Variants in OSBP observed in about 807,000 individuals in gnomAD.
OSBP encodes the protein oxysterol-binding protein 1.
In OSBP, 32 loss-of-function variants were observed where a neutral mutation model predicts 96.6. That is an observed-to-expected ratio of 0.33 (90% confidence interval 0.25 to 0.45). OSBP has a LOEUF of 0.45. Ranked by LOEUF, OSBP falls within the 20% of genes least tolerant of loss-of-function variation. OSBP has a pLI of 1.00. For synonymous variants in OSBP, 369 were observed against 389.6 expected (o/e 0.95, Z 0.62); for missense variants, 653 against 1,029.7 (o/e 0.63, Z 5.01).
At position 59,575,623 on chromosome 11, in the gene OSBP, G is replaced by C. The variant is rs988876326; in HGVS notation, c.*954C>G. 6.6e-6 allele frequency: 1 copy of C among 152,576 alleles called. No individual in the cohort carries two copies. Among genetic ancestry groups the C allele is most frequent in the African/African-American group, 2.4e-5 (1 of 41,428 alleles). 9.5% of individuals were successfully genotyped at this position (152,576 alleles called of 1,614,324 possible). A position where few individuals can be genotyped will look rare whatever the true frequency, so the allele number is the denominator to read the frequency against. ...AAACTTTTGTTCCACATTAACTTCTGCTCTCAAATTCTGAAGTATATCAGA... is the reference window on the plus strand; with the variant it reads ...AAACTTTTGTTCCACATTAACTTCTCCTCTCAAATTCTGAAGTATATCAGA... On this transcript the variant is annotated 3_prime_UTR_variant, in exon 14 of 14. Transcript: ENST00000263847.
At chr11:59,607,908 T>C (rs1422421626) in intron 3 of OSBP, among the ~76,000 whole-genome samples, 1 of 152,244 alleles carries the variant, frequency 6.6e-6, no homozygotes, top group East Asian at 1.9e-4. Context: ...TGTCTTATCA[T>C]CGAAATTATC....
At chr11:59,582,170 T>A (rs1011754396) in intron 9 of OSBP, among the ~76,000 whole-genome samples, 4 of 152,162 alleles carry the variant, frequency 2.6e-5, no homozygotes, top group Non-Finnish European at 2.9e-5. Flanking sequence ...ACCTTGACAA[T>A]TTATACTAAT....
chr11:59,591,605 T>C (rs1034128979), intron 9 of OSBP, among the ~76,000 whole-genome samples: 15 of 151,618 alleles, frequency 9.9e-5, no homozygotes, highest in African/African-American at 3.4e-4. Context: ...TTTATTATTT[T>C]CCCCCTCAGT....
chr11:59,590,961 G>C (rs926714594), intron 9 of OSBP, among the ~76,000 whole-genome samples: 2 of 152,072 alleles, frequency 1.3e-5, no homozygotes, highest in African/African-American at 2.4e-5. Context: ...ATGAAGATGG[G>C]GATTTTTGTT....
At chr11:59,593,307 G>A (rs894046070) in intron 9 of OSBP, among the ~76,000 whole-genome samples, 2 of 152,084 alleles carry the variant, frequency 1.3e-5, no homozygotes, top group African/African-American at 4.8e-5. Flanking sequence ...CCAGTTAAGA[G>A]ACAGAATTTT....
chr11:59,581,498 T>C lies in OSBP; in HGVS notation c.1735A>G (p.Thr579Ala), dbSNP rs1860419755. ...ACAATAATGTTGTGTACAGTTGTGG[T>C]AACTTTCTTCCAAGTGTAGTGGTGC... ...TGHHYTWKKVTTTVHNIIVGK... is the reference protein window; with the variant it reads ...TGHHYTWKKVATTVHNIIVGK... Residue 579 changes from threonine (T) to alanine (A), a missense_variant, in exon 10 of 14, where the codon ACC (threonine) becomes GCC (alanine). This residue lies in a region of OSBP where 19 missense variants were observed against 16.1 expected (regional missense o/e 1.18). Transcript: ENST00000263847. The C allele has an allele frequency of 1.2e-6, 2 of 1,613,008 alleles. No homozygotes were observed. The highest frequency in any genetic ancestry group is 8.5e-7 in the Non-Finnish European group (1 of 1,179,210).
intron 9 of OSBP, among the ~76,000 whole-genome samples, chr11:59,592,736 G>C (rs1169585231): frequency 6.6e-6 from 1 of 151,868 alleles, no homozygotes; most frequent in Non-Finnish European, 1.5e-5. Context: ...TCCATTCCCA[G>C]GACTGATCCT....
At chr11:59,591,720 A>G (rs1325005876) in intron 9 of OSBP, among the ~76,000 whole-genome samples, 1 of 151,430 alleles carries the variant, frequency 6.6e-6, no homozygotes, top group Non-Finnish European at 1.5e-5. Flanking sequence ...TCCTGGGTTC[A>G]AGCAATTCTC....
At chr11:59,585,723 A>T (rs1053508150) in intron 9 of OSBP, among the ~76,000 whole-genome samples, 3 of 152,234 alleles carry the variant, frequency 2.0e-5, no homozygotes, top group African/African-American at 7.2e-5. Flanking sequence ...TGTGGAATGG[A>T]AAGCGGGGAA....
rs557465660 is a variant in OSBP at position 59,599,730 on chromosome 11, T to C, written c.1311+766A>G. Among the ~76,000 whole-genome samples, 23 of 152,236 alleles carry C rather than the reference T, an allele frequency of 1.5e-4. No individual in the cohort carries two copies. In the South Asian group the frequency reaches 1.9e-3, roughly 12 times the overall value. ...GCAGAAAAAAAGTGGCAAGTGTTAA[T>C]AGGGAACTGACAAAAGTCTAGGCAG... On this transcript the variant is annotated intron_variant, in intron 7 of 13. Transcript: ENST00000263847.
At chr11:59,601,918 C>T in intron 3 of OSBP, 80 bp from the exon 4 acceptor site, 2 of 1,301,736 alleles carry the variant, frequency 1.5e-6, no homozygotes, top group Non-Finnish European at 2.1e-6. Context: ...ATTGAGTAAC[C>T]TTATTCTGGG....
chr11:59,583,458 G>A (rs895939769), intron 9 of OSBP, among the ~76,000 whole-genome samples: 1 of 151,964 alleles, frequency 6.6e-6, no homozygotes. Flanking sequence ...CCTAATAATT[G>A]GCAGATAAGG....
At chr11:59,599,825 C>T (rs1860697736) in intron 7 of OSBP, among the ~76,000 whole-genome samples, 1 of 152,324 alleles carries the variant, frequency 6.6e-6, no homozygotes, top group South Asian at 2.1e-4. Flanking sequence ...ATGACTAGAA[C>T]TTGGGATGCG....
At chr11:59,581,595 G>GA (rs1860421653) in intron 9 of OSBP, 41 bp from the exon 10 acceptor site, 1 of 1,093,488 alleles carries the variant, frequency 9.1e-7, no homozygotes, top group South Asian at 1.3e-5. Context: ...CCAAATGTCA[G>GA]AAAAATAGCA....
Position 59,615,292 on chromosome 11 carries a change from G to A in OSBP, c.362+11C>T, listed in dbSNP as rs1159235238. On this transcript the variant is annotated intron_variant, in intron 1 of 13. Transcript: ENST00000263847. Reference sequence around the variant, plus strand: ...AGGCAAGGTGAGCGACAGCGCCCCGGAAGCAGTTACCTGTAGTAGCTCAGG... The same window carrying A: ...AGGCAAGGTGAGCGACAGCGCCCCGAAAGCAGTTACCTGTAGTAGCTCAGG... The A allele has an allele frequency of 6.3e-7, 1 of 1,591,434 alleles. No homozygotes were observed. Among genetic ancestry groups the A allele is most frequent in the Non-Finnish European group, 8.6e-7 (1 of 1,165,110 alleles).
Position 59,615,398 on chromosome 11 carries a change from C to A in OSBP, c.267G>T (p.Ser89=). 6.4e-7 allele frequency: 1 copy of A among 1,567,870 alleles called. No individual in the cohort carries two copies. The highest frequency in any genetic ancestry group is 1.1e-5 in the South Asian group (1 of 87,506). Residue 89 remains serine (S), a synonymous_variant, in exon 1 of 14, where the codon TCG becomes TCT. Coordinates refer to ENST00000263847, the MANE Select transcript of OSBP (RefSeq NM_002556.3). The part of the protein sequence containing the change: ...SGGSGAGGSG[S]AREGWLFKWT... Reference sequence around the variant, plus strand: ...ATTTGAAGAGCCAGCCCTCTCGAGCCGAGCCCGAACCCCCAGCGCCCGAGC... The same window carrying A: ...ATTTGAAGAGCCAGCCCTCTCGAGCAGAGCCCGAACCCCCAGCGCCCGAGC...
chr11:59,578,424 G>T, intron 11 of OSBP, 94 bp from the exon 12 acceptor site: 1 of 1,230,758 alleles, frequency 8.1e-7, no homozygotes, highest in Non-Finnish European at 1.2e-6. Flanking sequence ...ATAATGGTTA[G>T]GTCCTGTTAT....
intron 1 of OSBP, among the ~76,000 whole-genome samples, chr11:59,614,469 G>A (rs903688450): frequency 6.6e-6 from 1 of 152,114 alleles, no homozygotes; most frequent in East Asian, 1.9e-4. Flanking sequence ...GCCCAAAAGC[G>A]TGCCATGTGA....
At position 59,608,541 on chromosome 11, in the gene OSBP, G is replaced by C. The variant is rs781114937; in HGVS notation, c.765C>G (p.Ile255Met). The change falls in exon 3 of 14, where the codon ATC becomes ATG. Residue 255 changes from isoleucine to methionine, a missense_variant. Around this residue, in one of 6 missense-constraint regions of OSBP, gnomAD observed 308 missense variants for 573.1 expected, o/e 0.54. Coordinates refer to ENST00000263847, the MANE Select transcript of OSBP (RefSeq NM_002556.3). ...LKLPAESNEK[I>M]KQVNERATLF... The stretch of plus-strand genomic sequence containing the variant: ...GTGTGGCTCGTTCGTTGACCTGTTT[G>C]ATCTTTTCATTGCTCTCAGCAGGCA... 2 of 1,614,006 alleles carry C rather than the reference G, an allele frequency of 1.2e-6. No homozygotes were observed. The highest frequency in any genetic ancestry group is 2.2e-5 in the East Asian group (1 of 44,868).
Sources: allele counts gnomAD v4.1 joint callset (sites outside exome capture counted in the v4.1 genomes callset), GRCh38; gene constraint gnomAD v4.1.1; regional missense constraint gnomAD v4.1.1; transcripts MANE v1.5; gene names NCBI Gene and HGNC (gene_info 2026-07-23, HGNC 2026-07-21).